The following TMEM132D variants were observed in gnomAD, a reference collection of about 807,000 sequenced individuals.
TMEM132D encodes transmembrane protein 132D.
Under a neutral mutation model 62.3 loss-of-function variants are expected in TMEM132D, and 21 were observed. The observed-to-expected ratio is 0.34, with a 90% CI of 0.24 to 0.49. The LOEUF is 0.49. Ranked by LOEUF, TMEM132D falls within the 20% of genes least tolerant of loss-of-function variation. The pLI is 0.99. For missense variants in TMEM132D, 1,346 were observed against 1,402.8 expected (o/e 0.96, Z 0.65); for synonymous variants, 621 against 575.6 (o/e 1.08, Z -1.13).
intron 4 of TMEM132D, among the ~76,000 whole-genome samples, chr12:129,276,639 A>G (rs1438343365): frequency 6.6e-6 from 1 of 152,192 alleles, no homozygotes; most frequent in Non-Finnish European, 1.5e-5. Context: ...GTCTCCTCTC[A>G]GCACCAGACA....
intron 4 of TMEM132D, among the ~76,000 whole-genome samples, chr12:129,298,889 A>G (rs1186881322): frequency 1.3e-5 from 2 of 151,870 alleles, no homozygotes; most frequent in Non-Finnish European, 2.9e-5. Flanking sequence ...ACTCATTATT[A>G]AATGTGCTGA....
At chr12:129,644,934 C>T (rs1285986756) in intron 2 of TMEM132D, among the ~76,000 whole-genome samples, 2 of 142,434 alleles carry the variant, frequency 1.4e-5, no homozygotes, top group African/African-American at 5.3e-5. Flanking sequence ...TGCAGTGAGC[C>T]GAGATCGCGC....
chr12:129,446,886 C>A (rs1050139830), intron 3 of TMEM132D, among the ~76,000 whole-genome samples: 10 of 152,172 alleles, frequency 6.6e-5, no homozygotes, highest in Admixed American at 5.2e-4. Context: ...ACCCGGCTGG[C>A]ATTAACTGTC....
At chr12:129,574,749 C>T (rs1877611839) in intron 2 of TMEM132D, among the ~76,000 whole-genome samples, 1 of 151,632 alleles carries the variant, frequency 6.6e-6, no homozygotes, top group South Asian at 2.1e-4. Flanking sequence ...CACGGTGGGT[C>T]CCACACATGA....
intron 5 of TMEM132D, among the ~76,000 whole-genome samples, chr12:129,144,809 C>T (rs1266163914): frequency 6.6e-6 from 1 of 152,152 alleles, no homozygotes; most frequent in Non-Finnish European, 1.5e-5. Context: ...CACCTATCAT[C>T]TATCTATCCA....
At chr12:129,810,427 G>A (rs12302653) in intron 1 of TMEM132D, among the ~76,000 whole-genome samples, 4,151 of 151,930 alleles carry the variant, frequency 0.027, 73 homozygotes, top group East Asian at 0.054. Context: ...AATGAGGGAC[G>A]GCTACATTGT....
intron 4 of TMEM132D, chr12:129,212,319 G>C (rs1456897355): frequency 6.6e-6 from 1 of 152,194 alleles, no homozygotes; most frequent in Non-Finnish European, 1.5e-5. Context: ...CAGCGTGGCT[G>C]AGTGACTGAG....
chr12:129,419,868 A>G (rs1280225932), intron 3 of TMEM132D, among the ~76,000 whole-genome samples: 3 of 148,002 alleles, frequency 2.0e-5, no homozygotes, highest in African/African-American at 7.5e-5. Context: ...GTCTCAACTG[A>G]TTTTAAGGTA....
intron 2 of TMEM132D, among the ~76,000 whole-genome samples, chr12:129,556,662 A>G (rs1877067965): frequency 6.6e-6 from 1 of 152,204 alleles, no homozygotes; most frequent in Admixed American, 6.5e-5. Context: ...CCTTATTTGC[A>G]TACATCTGGG....
chr12:129,508,313 G>T (rs1875400585), intron 3 of TMEM132D, among the ~76,000 whole-genome samples: 1 of 152,198 alleles, frequency 6.6e-6, no homozygotes, highest in Non-Finnish European at 1.5e-5. Context: ...AAAAGAAACT[G>T]GGAATATTTG....
intron 5 of TMEM132D, among the ~76,000 whole-genome samples, chr12:129,105,470 C>T (rs1349153195): frequency 4.2e-5 from 6 of 142,880 alleles, no homozygotes; most frequent in South Asian, 2.2e-4. Flanking sequence ...GTGCAGCGCA[C>T]CAGCATGGCA....
chr12:129,370,606 C>G (rs1870566829), intron 3 of TMEM132D, among the ~76,000 whole-genome samples: 1 of 152,154 alleles, frequency 6.6e-6, no homozygotes, highest in Non-Finnish European at 1.5e-5. Flanking sequence ...CTTCTATTCA[C>G]AATAGCGAAA....
At chr12:129,316,870 GTTGGACAAGGCCTTTTACCA>G (rs1004315902) in intron 4 of TMEM132D, among the ~76,000 whole-genome samples, 1 of 152,160 alleles carries the variant, frequency 6.6e-6, no homozygotes, top group African/African-American at 2.4e-5. Context: ...ATGATTTCCT[GTTGGACAAGGCCTTTTACCA>G]TTATATAATT....
At chr12:129,789,822 C>T (rs548913694) in intron 1 of TMEM132D, among the ~76,000 whole-genome samples, 1 of 152,334 alleles carries the variant, frequency 6.6e-6, no homozygotes, top group African/African-American at 2.4e-5. Flanking sequence ...AATCTTTTAT[C>T]CATGAAAATT....
chr12:129,565,645 G>A (rs1877348431), intron 2 of TMEM132D, among the ~76,000 whole-genome samples: 1 of 152,154 alleles, frequency 6.6e-6, no homozygotes, highest in Admixed American at 6.5e-5. Context: ...AGCCCATTCT[G>A]CCTGGTCTTT....
At chr12:129,859,794 G>A (rs112511127) in intron 1 of TMEM132D, among the ~76,000 whole-genome samples, 1 of 152,236 alleles carries the variant, frequency 6.6e-6, no homozygotes, top group African/African-American at 2.4e-5. Context: ...GGGGCTCTGG[G>A]GCCTTTGGCC....
intron 1 of TMEM132D, among the ~76,000 whole-genome samples, chr12:129,712,476 C>T (rs1264652977): frequency 2.0e-5 from 3 of 152,206 alleles, no homozygotes; most frequent in Non-Finnish European, 4.4e-5. Flanking sequence ...GGAAGAGCTA[C>T]ATTTCCAAGT....
At chr12:129,401,099 G>A (rs1352846476) in intron 3 of TMEM132D, among the ~76,000 whole-genome samples, 2 of 152,164 alleles carry the variant, frequency 1.3e-5, no homozygotes, top group African/African-American at 2.4e-5. Flanking sequence ...AAGCTGCATG[G>A]TTTTTGGCTG....
chr12:129,251,357 CAAAAAAAAAA>C (rs59666716), intron 4 of TMEM132D, among the ~76,000 whole-genome samples: 3 of 79,782 alleles, frequency 3.8e-5, no homozygotes, highest in African/African-American at 1.5e-4. Context: ...GACACTGTCT[CAAAAAAAAAA>C]AAAAAAAAAA....
Sources: gnomAD v4.1 joint callset for allele counts (sites outside exome capture counted in the v4.1 genomes callset) on GRCh38, gnomAD v4.1.1 for gene constraint, MANE v1.5 for transcripts, NCBI Gene and HGNC (gene_info 2026-07-23, HGNC 2026-07-21) for gene names.